The following POLK variants were observed in gnomAD, a reference collection of about 807,000 sequenced individuals.
The protein encoded by POLK is polymerase (DNA directed) kappa.
In POLK, 76 loss-of-function variants were observed where a neutral mutation model predicts 94.0. The ratio of observed to expected loss-of-function variants is 0.81; its 90% CI spans 0.67 to 0.98. POLK has a LOEUF of 0.98. Ranked by LOEUF, POLK falls within the 50% of genes least tolerant of loss-of-function variation. The pLI is 0.00. For missense variants in POLK, 954 were observed against 1,010.1 expected (o/e 0.94, Z 0.75); for synonymous variants, 349 against 325.4 (o/e 1.07, Z -0.78).
chr5:75,568,823 C>CT (rs764962702), intron 3 of POLK: 4 of 195,368 alleles, frequency 2.0e-5, no homozygotes, highest in Middle Eastern at 1.1e-3. Flanking sequence ...TCCTTTGTTG[C>CT]TTTTTTAAGA....
intron 1 of POLK, among the ~76,000 whole-genome samples, chr5:75,514,119 C>G (rs892699411): frequency 1.3e-5 from 2 of 151,846 alleles, no homozygotes; most frequent in Admixed American, 6.6e-5. Context: ...TATACTTTAT[C>G]CCTGTTTAAG....
At chr5:75,569,904 A>G (rs1473593503) in intron 4 of POLK, among the ~76,000 whole-genome samples, 1 of 152,228 alleles carries the variant, frequency 6.6e-6, no homozygotes, top group East Asian at 1.9e-4. Context: ...CATTATGAGA[A>G]TCAAATGCCT....
rs191376457 is a variant in POLK at position 75,565,556 on chromosome 5, A to G, written c.256-3784A>G. Among the ~76,000 whole-genome samples the G allele has an allele frequency of 3.3e-5, 5 of 152,112 alleles. No homozygotes were observed. The East Asian group carries it at 7.8e-4, about 24-fold the overall frequency. ...AGTGTTTGATTTTGGTAACCTTTGA[A>G]TGGCGTTTTTGCGTGGTTATCCTCT... is the stretch of plus-strand genomic sequence containing the variant. On this transcript the variant is annotated intron_variant, in intron 3 of 14. Coordinates refer to ENST00000241436, the Ensembl canonical transcript of POLK.
chr5:75,573,620 A>G (rs762951148), intron 4 of POLK, 118 bp from the exon 5 acceptor site: 1 of 844,132 alleles, frequency 1.2e-6, no homozygotes, highest in South Asian at 1.7e-5. Context: ...AAACTGGCCT[A>G]TAAATGAAAT....
chr5:75,520,745 A>AT (rs369118226), intron 1 of POLK, among the ~76,000 whole-genome samples: 1 of 151,594 alleles, frequency 6.6e-6, no homozygotes, highest in African/African-American at 2.4e-5. Flanking sequence ...CTTTTTGCAC[A>AT]TTTTTTTTCT....
At chr5:75,590,374 G>A (rs1489510657) in exon 11 of POLK, 9 of 1,604,232 alleles carry the variant, frequency 5.6e-6, no homozygotes, top group Non-Finnish European at 7.7e-6. Flanking sequence ...AAGCGGAAGA[G>A]CAATACAGCC....
chr5:75,569,260 A>ATTG (rs1771452739), intron 3 of POLK, 80 bp from the exon 4 acceptor site: 2 of 939,764 alleles, frequency 2.1e-6, no homozygotes, highest in Non-Finnish European at 3.2e-6. Flanking sequence ...GACACTTAAT[A>ATTG]AATTAAGATT....
chr5:75,560,133 C>G (rs1435076567), intron 3 of POLK, among the ~76,000 whole-genome samples: 3 of 152,148 alleles, frequency 2.0e-5, no homozygotes, highest in Non-Finnish European at 4.4e-5. Flanking sequence ...TTTACTAGCT[C>G]TATGACTTAG....
At chr5:75,592,702 A>AAC (rs10651920) in intron 11 of POLK, among the ~76,000 whole-genome samples, 8,422 of 137,702 alleles carry the variant, frequency 0.061, 728 homozygotes, top group African/African-American at 0.23. Flanking sequence ...CTAAAACAAC[A>AAC]AAAAAAAAAA....
exon 13 of POLK, chr5:75,597,135 A>C (rs1773135742): frequency 1.2e-6 from 2 of 1,610,348 alleles, no homozygotes; most frequent in African/African-American, 2.7e-5. Context: ...GAAAGGATAA[A>C]TTTAACCCAG....
intron 1 of POLK, among the ~76,000 whole-genome samples, chr5:75,542,697 A>G (rs1040925478): frequency 6.8e-6 from 1 of 147,524 alleles, no homozygotes; most frequent in African/African-American, 2.5e-5. Flanking sequence ...ATATATGTAT[A>G]TATATGTATT....
intron 1 of POLK, among the ~76,000 whole-genome samples, chr5:75,546,197 G>A (rs145309472): frequency 3.3e-5 from 5 of 152,114 alleles, no homozygotes; most frequent in Non-Finnish European, 7.4e-5. Context: ...TATGTATTTT[G>A]TATGTTATAT....
intron 1 of POLK, among the ~76,000 whole-genome samples, chr5:75,538,242 A>G (rs902971049): frequency 6.6e-6 from 1 of 152,206 alleles, no homozygotes; most frequent in Non-Finnish European, 1.5e-5. Context: ...ATGAATTTTC[A>G]TAATGCTATA....
intron 8 of POLK, among the ~76,000 whole-genome samples, chr5:75,584,158 A>G (rs1224804159): frequency 1.3e-5 from 2 of 152,198 alleles, no homozygotes; most frequent in Non-Finnish European, 2.9e-5. Context: ...TACCTTTGGA[A>G]TGTACCATTG....
At chr5:75,556,059 AAT>A (rs1408338266) in intron 3 of POLK, among the ~76,000 whole-genome samples, 3 of 152,216 alleles carry the variant, frequency 2.0e-5, no homozygotes, top group Non-Finnish European at 4.4e-5. Context: ...GTAAAATAAA[AAT>A]ATGTTTAGCT....
chr5:75,551,047 C>A (rs1770309761), intron 2 of POLK, among the ~76,000 whole-genome samples: 1 of 151,904 alleles, frequency 6.6e-6, no homozygotes. Flanking sequence ...CATAGTGAGA[C>A]CCTGTCTCTT....
intron 12 of POLK, among the ~76,000 whole-genome samples, chr5:75,595,225 A>G (rs146989781): frequency 0.013 from 1,851 of 143,094 alleles, 37 homozygotes; most frequent in African/African-American, 0.047. Flanking sequence ...CAGCCTGGGC[A>G]ACAAGAGTGA....
chr5:75,607,454 C>T, the POLK span, among the ~76,000 whole-genome samples: 1 of 140,408 alleles, frequency 7.1e-6, no homozygotes, highest in Admixed American at 7.4e-5. Context: ...GGTGACAAAG[C>T]GAGACCTTGT....
chr5:75,517,583 A>G (rs973715537), intron 1 of POLK, among the ~76,000 whole-genome samples: 3 of 152,228 alleles, frequency 2.0e-5, no homozygotes, highest in Admixed American at 6.5e-5. Flanking sequence ...TATGTTGCCT[A>G]CAAAGATAAC....
Sources: gnomAD v4.1 joint callset for allele counts (sites outside exome capture counted in the v4.1 genomes callset) on GRCh38, gnomAD v4.1.1 for gene constraint, MANE v1.5 for transcripts, NCBI Gene and HGNC (gene_info 2026-07-23, HGNC 2026-07-21) for gene names.